The following SLAIN1 variants were observed in gnomAD, a reference collection of about 807,000 sequenced individuals.
SLAIN1 encodes SLAIN motif-containing protein 1.
SLAIN1 carries 17 observed loss-of-function variants against 55.4 expected under a neutral mutation model. That is an observed-to-expected ratio of 0.31 (90% CI 0.21 to 0.46). The LOEUF (loss-of-function observed/expected upper bound fraction) is 0.46, where lower values mean the gene tolerates loss of function less well. SLAIN1 is among the 20% of genes least tolerant of loss of function. The probability of loss-of-function intolerance (pLI) is 1.00; values close to 1 mark genes in which losing one functional copy is unlikely to be tolerated. For missense variants in SLAIN1, 682 were observed against 785.1 expected, an observed-to-expected ratio of 0.87 and a Z score of 1.57; for synonymous variants, 348 against 337.4, an observed-to-expected ratio of 1.03 and a Z score of -0.35.
chr13:77,760,873 A>G lies in SLAIN1; in HGVS notation c.1460A>G (p.His487Arg). Reference protein sequence around the residue: ...QLQHRVHSVGHFPVSIRQPLK... With the variant: ...QLQHRVHSVGRFPVSIRQPLK... The stretch of plus-strand genomic sequence containing the variant: ...CAACACAGGGTCCACAGCGTGGGGC[A>G]TTTCCCAGTGTCTATCCGACAGCCT... The change falls in exon 6 of 7, where the codon CAT becomes CGT. Residue 487 changes from histidine to arginine, a missense_variant. Physicochemically the swap from His to Arg is conservative, Grantham distance 29. Transcript: ENST00000418532. 6.2e-7 allele frequency: 1 copy of G among 1,614,082 alleles called. No individual in the cohort carries two copies. The highest frequency in any genetic ancestry group is 8.5e-7 in the Non-Finnish European group (1 of 1,180,010).
intron 6 of SLAIN1, among the ~76,000 whole-genome samples, chr13:77,762,792 G>C (rs142038773): frequency 6.6e-6 from 1 of 152,178 alleles, no homozygotes; most frequent in African/African-American, 2.4e-5. Context: ...TTTGCTGTTT[G>C]TATTCAACAG....
At chr13:77,745,552 G>A (rs538563986) in intron 3 of SLAIN1, among the ~76,000 whole-genome samples, 2 of 152,174 alleles carry the variant, frequency 1.3e-5, no homozygotes, top group South Asian at 4.1e-4. Flanking sequence ...ACTAGTTGAA[G>A]GGCATTAATG....
chr13:77,726,303 TTAAA>T (rs2091307398), intron 2 of SLAIN1, among the ~76,000 whole-genome samples: 1 of 152,318 alleles, frequency 6.6e-6, no homozygotes, highest in Non-Finnish European at 1.5e-5. Flanking sequence ...TTGCAAATGG[TTAAA>T]TATTTTTTAA....
chr13:77,754,386 T>G (rs1272410120), intron 5 of SLAIN1, among the ~76,000 whole-genome samples: 1 of 152,192 alleles, frequency 6.6e-6, no homozygotes, highest in Non-Finnish European at 1.5e-5. Context: ...TACCAACAAC[T>G]CTATGAATTA....
At chr13:77,744,595 A>G (rs1268777379) in intron 3 of SLAIN1, 163 bp downstream of exon 3, 1 of 1,034,718 alleles carries the variant, frequency 9.7e-7, no homozygotes, top group Non-Finnish European at 1.4e-6. Context: ...TTCTCACACT[A>G]TCATGAGGTG....
At chr13:77,741,335 C>T (rs1873421546) in intron 2 of SLAIN1, 1 of 987,250 alleles carries the variant, frequency 1.0e-6, no homozygotes, top group Non-Finnish European at 1.2e-6. Context: ...TTATTAACCC[C>T]TAGTTTGTAG....
At chr13:77,748,895 T>G (rs1874022682) in intron 4 of SLAIN1, among the ~76,000 whole-genome samples, 1 of 152,190 alleles carries the variant, frequency 6.6e-6, no homozygotes, top group Admixed American at 6.5e-5. Flanking sequence ...CCAAACCATC[T>G]GGTACACATT....
chr13:77,725,698 G>T (rs2091301358), intron 2 of SLAIN1, among the ~76,000 whole-genome samples: 1 of 152,144 alleles, frequency 6.6e-6, no homozygotes, highest in South Asian at 2.1e-4. Context: ...GTTTCTGGTG[G>T]GCAGAGCTGG....
At chr13:77,723,932 T>TAA (rs10599579) in intron 2 of SLAIN1, among the ~76,000 whole-genome samples, 2 of 146,000 alleles carry the variant, frequency 1.4e-5, no homozygotes, top group East Asian at 2.0e-4. Flanking sequence ...TTTTGGAGAT[T>TAA]AAAAAAAAAA....
intron 2 of SLAIN1, among the ~76,000 whole-genome samples, chr13:77,727,190 CT>C (rs1471736848): frequency 2.0e-5 from 3 of 152,140 alleles, no homozygotes; most frequent in Non-Finnish European, 4.4e-5. Context: ...TGGTTTTCCT[CT>C]TTTGAAGATG....
chr13:77,754,014 C>T (rs868410186), intron 5 of SLAIN1, among the ~76,000 whole-genome samples: 6 of 152,264 alleles, frequency 3.9e-5, no homozygotes, highest in Middle Eastern at 3.4e-3. Context: ...TGTGCTGCTT[C>T]GGCATCCCCC....
At chr13:77,724,635 C>G (rs537018719) in intron 2 of SLAIN1, among the ~76,000 whole-genome samples, 1 of 152,136 alleles carries the variant, frequency 6.6e-6, no homozygotes, top group Non-Finnish European at 1.5e-5. Flanking sequence ...TGACAGATAT[C>G]AAAAATTATG....
intron 4 of SLAIN1, among the ~76,000 whole-genome samples, chr13:77,751,431 C>G (rs1158564154): frequency 6.6e-6 from 1 of 152,080 alleles, no homozygotes; most frequent in East Asian, 1.9e-4. Flanking sequence ...AAACCTAGAC[C>G]ATAAATCTTG....
intron 4 of SLAIN1, among the ~76,000 whole-genome samples, 199 bp from the exon 5 acceptor site, chr13:77,753,004 C>T (rs2154410769): frequency 6.6e-6 from 1 of 152,282 alleles, no homozygotes; most frequent in African/African-American, 2.4e-5. Flanking sequence ...TATTAACCAT[C>T]ACACATGCTT....
At chr13:77,760,222 C>G (rs914930342) in intron 5 of SLAIN1, among the ~76,000 whole-genome samples, 9 of 152,122 alleles carry the variant, frequency 5.9e-5, no homozygotes, top group African/African-American at 2.2e-4. Flanking sequence ...TGAAATGATA[C>G]ACAAAGTTGG....
rs1032414952 is a variant in SLAIN1 at position 77,744,180 on chromosome 13, T to C, written c.767-103T>C. 9.1e-6 allele frequency: 8 copies of C among 883,082 alleles called. No individual in the cohort carries two copies. The Admixed American group carries it at 9.1e-5, about 10-fold the overall frequency. 54.7% of individuals were successfully genotyped at this position (883,082 alleles called of 1,614,324 possible). A position where few individuals can be genotyped will look rare whatever the true frequency, so the allele number is the denominator to read the frequency against. On this transcript the variant is annotated intron_variant, in intron 2 of 6. Coordinates refer to ENST00000418532, the MANE Select transcript of SLAIN1 (RefSeq NM_001242868.2). The stretch of plus-strand genomic sequence containing the variant: ...TGACATGTTGGTGATTTTTGTAACA[T>C]GAAAACATGAGACAAATTGCTGACT...
chr13:77,755,174 C>G (rs560575866), intron 5 of SLAIN1, among the ~76,000 whole-genome samples: 2 of 152,118 alleles, frequency 1.3e-5, no homozygotes, highest in East Asian at 1.9e-4. Flanking sequence ...CAAAAATTAG[C>G]CAGGCATAGT....
chr13:77,762,437 G>A (rs955178048), intron 6 of SLAIN1, among the ~76,000 whole-genome samples: 1 of 152,072 alleles, frequency 6.6e-6, no homozygotes, highest in African/African-American at 2.4e-5. Flanking sequence ...TTTAGAGACA[G>A]GGTCTTGCTC....
chr13:77,753,386 A>T (rs1279530923), intron 5 of SLAIN1, 28 bp downstream of exon 5: 1 of 1,153,270 alleles, frequency 8.7e-7, no homozygotes, highest in East Asian at 3.2e-5. Context: ...ATATAATTAT[A>T]TATTGTATAA....
Sources: gnomAD v4.1 joint callset for allele counts (sites outside exome capture counted in the v4.1 genomes callset) on GRCh38, gnomAD v4.1.1 for gene constraint, MANE v1.5 for transcripts, NCBI Gene and HGNC (gene_info 2026-07-23, HGNC 2026-07-21) for gene names.